Variants in SETBP1 observed in about 807,000 individuals in gnomAD.
SETBP1 encodes SET-binding protein.
In SETBP1, 9 loss-of-function variants were observed where a neutral mutation model predicts 101.0. The ratio of observed to expected loss-of-function variants is 0.09; its 90% CI spans 0.05 to 0.16. The LOEUF is 0.16. SETBP1 is among the 10% of genes least tolerant of loss of function. The pLI is 1.00. For missense variants in SETBP1, 1,858 were observed against 2,033.8 expected (o/e 0.91, Z 1.66); for synonymous variants, 818 against 788.5 (o/e 1.04, Z -0.63).
At chr18:44,726,630 CAT>C (rs2069712385) in intron 2 of SETBP1, among the ~76,000 whole-genome samples, 1 of 152,182 alleles carries the variant, frequency 6.6e-6, no homozygotes, top group African/African-American at 2.4e-5. Context: ...GATTAGAAGT[CAT>C]AAACTGTAAT....
At chr18:44,827,606 G>T (rs2072265253) in intron 2 of SETBP1, among the ~76,000 whole-genome samples, 1 of 152,138 alleles carries the variant, frequency 6.6e-6, no homozygotes, top group Admixed American at 6.5e-5. Flanking sequence ...GGTATATTGG[G>T]CCTTAGCCTT....
chr18:45,015,275 G>T (rs190263543), intron 4 of SETBP1, among the ~76,000 whole-genome samples: 1 of 152,136 alleles, frequency 6.6e-6, no homozygotes, highest in Non-Finnish European at 1.5e-5. Flanking sequence ...GGGCAAGATG[G>T]GTTGTTCCAC....
chr18:44,878,419 C>G (rs2069457937), intron 3 of SETBP1, among the ~76,000 whole-genome samples: 1 of 151,818 alleles, frequency 6.6e-6, no homozygotes, highest in Non-Finnish European at 1.5e-5. Context: ...TCACTTGAGA[C>G]CTGGGGTTAT....
At chr18:44,743,475 C>A (rs531460916) in intron 2 of SETBP1, among the ~76,000 whole-genome samples, 4 of 152,152 alleles carry the variant, frequency 2.6e-5, no homozygotes, top group Admixed American at 6.5e-5. Flanking sequence ...CAGCACCCCC[C>A]CAACCCCCAA....
intron 2 of SETBP1, among the ~76,000 whole-genome samples, chr18:44,707,989 A>C (rs2069258665): frequency 6.6e-6 from 1 of 152,200 alleles, no homozygotes; most frequent in Non-Finnish European, 1.5e-5. Flanking sequence ...CCTGAGAAGC[A>C]CATTTCTCTC....
At chr18:44,693,027 T>C (rs1055873872) in intron 1 of SETBP1, among the ~76,000 whole-genome samples, 1 of 152,172 alleles carries the variant, frequency 6.6e-6, no homozygotes, top group African/African-American at 2.4e-5. Flanking sequence ...AGACAGGTGA[T>C]GTATCTTCAG....
chr18:44,979,424 G>A lies in SETBP1; in HGVS notation c.4000+26084G>A, dbSNP rs553864167. Among the ~76,000 whole-genome samples, 52 of 152,226 alleles carry A rather than the reference G, an allele frequency of 3.4e-4. 1 individual carries two copies. The South Asian group carries it at 9.8e-3, about 29-fold the overall frequency. On this transcript the variant is annotated intron_variant, in intron 4 of 5. Coordinates refer to ENST00000649279, the MANE Select transcript of SETBP1 (RefSeq NM_015559.3). ...ATCCATATAACATTTCGTTCAGTTC[G>A]ATGCTCAATCCACAATCTTGAAATA...
intron 3 of SETBP1, among the ~76,000 whole-genome samples, chr18:44,883,937 T>C (rs2144749354): frequency 6.6e-6 from 1 of 152,354 alleles, no homozygotes; most frequent in East Asian, 1.9e-4. Context: ...TTCTCTTTTA[T>C]GTACAAAAGA....
intron 2 of SETBP1, among the ~76,000 whole-genome samples, chr18:44,759,086 T>A (rs920922412): frequency 1.3e-5 from 2 of 152,218 alleles, no homozygotes; most frequent in African/African-American, 4.8e-5. Context: ...TCATTTTTAT[T>A]CCCTTAGTTC....
At chr18:44,709,042 C>T (rs139153349) in intron 2 of SETBP1, among the ~76,000 whole-genome samples, 50 of 152,274 alleles carry the variant, frequency 3.3e-4, no homozygotes, top group African/African-American at 1.2e-3. Context: ...ACTCGTGTTC[C>T]GTAAATATAT....
At chr18:45,053,127 G>C (rs1314716871) in intron 5 of SETBP1, among the ~76,000 whole-genome samples, 2 of 150,736 alleles carry the variant, frequency 1.3e-5, no homozygotes, top group African/African-American at 4.9e-5. Flanking sequence ...AATGTTGTTG[G>C]GGGAAAAAAA....
intron 2 of SETBP1, among the ~76,000 whole-genome samples, chr18:44,796,598 T>G (rs2144753876): frequency 6.6e-6 from 1 of 152,326 alleles, no homozygotes; most frequent in Admixed American, 6.5e-5. Context: ...TCTCTCACAT[T>G]ACAGATGAAT....
intron 2 of SETBP1, among the ~76,000 whole-genome samples, chr18:44,757,877 C>T (rs906221842): frequency 6.6e-6 from 1 of 152,074 alleles, no homozygotes; most frequent in Admixed American, 6.6e-5. Context: ...TATCACAATT[C>T]AAAATGTGTC....
chr18:45,010,258 T>G (rs1211337802), intron 4 of SETBP1, among the ~76,000 whole-genome samples: 1 of 152,216 alleles, frequency 6.6e-6, no homozygotes, highest in Non-Finnish European at 1.5e-5. Flanking sequence ...TGGTTAAACA[T>G]CATCTGATGC....
chr18:44,979,081 G>T (rs545388124), intron 4 of SETBP1, among the ~76,000 whole-genome samples: 3 of 152,274 alleles, frequency 2.0e-5, no homozygotes, highest in South Asian at 4.1e-4. Flanking sequence ...TTTTACAGAG[G>T]TTGAGTAGGA....
At chr18:44,787,877 A>AAAAAAAAAAAAAAAAC (rs2071277155) in intron 2 of SETBP1, among the ~76,000 whole-genome samples, 1 of 130,336 alleles carries the variant, frequency 7.7e-6, no homozygotes, top group African/African-American at 3.0e-5. Context: ...AAAAAAAAAA[A>AAAAAAAAAAAAAAAAC]AAAGAAAATT....
At chr18:44,992,742 C>T (rs1229241904) in intron 4 of SETBP1, among the ~76,000 whole-genome samples, 3 of 152,048 alleles carry the variant, frequency 2.0e-5, no homozygotes, top group South Asian at 4.1e-4. Flanking sequence ...ATGGTCCAAA[C>T]GTTTTACAGT....
At chr18:44,915,373 G>C (rs527300773) in intron 3 of SETBP1, among the ~76,000 whole-genome samples, 13 of 152,294 alleles carry the variant, frequency 8.5e-5, no homozygotes, top group African/African-American at 2.6e-4. Context: ...GAGGGTACAA[G>C]TCATTCAACT....
intron 2 of SETBP1, among the ~76,000 whole-genome samples, chr18:44,847,044 A>G (rs1400135463): frequency 2.0e-5 from 3 of 152,192 alleles, no homozygotes; most frequent in Non-Finnish European, 4.4e-5. Flanking sequence ...GGGCCTCCTG[A>G]ATGCACCAGG....
Sources: gnomAD v4.1 joint callset for allele counts (sites outside exome capture counted in the v4.1 genomes callset) on GRCh38, gnomAD v4.1.1 for gene constraint, MANE v1.5 for transcripts, NCBI Gene and HGNC (gene_info 2026-07-23, HGNC 2026-07-21) for gene names.